The following P4HB variants were observed in gnomAD, a reference collection of about 807,000 sequenced individuals.
P4HB encodes the protein prolyl 4-hydroxylase subunit beta.
In P4HB, 20 loss-of-function variants were observed where a neutral mutation model predicts 52.6. That is an observed-to-expected ratio of 0.38 (90% CI 0.27 to 0.55). The LOEUF (loss-of-function observed/expected upper bound fraction) is 0.55, where lower values mean the gene tolerates loss of function less well. Among genes scored for constraint, P4HB ranks in the 20% least tolerant of loss-of-function variants. P4HB has a pLI of 0.74. For synonymous variants in P4HB, 296 were observed against 277.9 expected (o/e 1.07, Z -0.65); for missense variants, 601 against 669.2 (o/e 0.90, Z 1.12).
intron 4 of P4HB, among the ~76,000 whole-genome samples, chr17:81,852,231 G>C (rs1017423188): frequency 6.6e-6 from 1 of 152,176 alleles, no homozygotes; most frequent in Admixed American, 6.5e-5. Flanking sequence ...AAGAAAAAGT[G>C]AAATATCAGA....
Position 81,844,081 on chromosome 17 carries a change from G to A in P4HB, c.1458C>T (p.Asp486=). ...TGTCTGGCTCCTCTGCTTCTTCCAG[G>A]TCCTCGAGATCCTGGGATACAGGAA... is the stretch of plus-strand genomic sequence containing the variant. ...DGAGDDDDLE[D]LEEAEEPDME... Residue 486 remains aspartate, a synonymous_variant, in exon 11 of 11, where the codon GAC becomes GAT. Coordinates refer to ENST00000331483, the MANE Select transcript of P4HB (RefSeq NM_000918.4). The A allele has an allele frequency of 1.2e-6, 2 of 1,612,658 alleles. No individual in the cohort carries two copies. Among genetic ancestry groups the A allele is most frequent in the Non-Finnish European group, 1.7e-6 (2 of 1,178,734 alleles).
intron 4 of P4HB, among the ~76,000 whole-genome samples, chr17:81,850,293 T>G (rs1286459099): frequency 6.6e-6 from 1 of 151,778 alleles, no homozygotes; most frequent in African/African-American, 2.4e-5. Context: ...CCACCACGCC[T>G]GGCTAATTTT....
intron 2 of P4HB, among the ~76,000 whole-genome samples, chr17:81,858,231 C>T (rs1244221439): frequency 8.2e-6 from 1 of 121,886 alleles, no homozygotes; most frequent in African/African-American, 3.5e-5. Flanking sequence ...GAGATCGCAC[C>T]ACTGCACGAC....
In P4HB at chr17:81,843,620, T is replaced by G; in HGVS notation, c.*392A>C. On this transcript the variant is annotated 3_prime_UTR_variant, in exon 11 of 11. Transcript: ENST00000331483. ...GGAGGCCTGGCCAAGGTGGAACAAA[T>G]ACCCTGATGTCGAAAAATGTCTAAA... is the stretch of plus-strand genomic sequence containing the variant. The G allele has an allele frequency of 2.2e-6, 1 of 461,906 alleles. No individual in the cohort carries two copies. Among genetic ancestry groups the G allele is most frequent in the Non-Finnish European group, 3.8e-6 (1 of 263,216 alleles). The allele number at this position is 461,906 out of a possible 1,614,324, so 28.6% of individuals were successfully genotyped here.
In P4HB at chr17:81,855,534, C is replaced by G. The variant is rs375359477; in HGVS notation, c.405G>C (p.Pro135=). The part of the protein sequence containing the change: ...IVNWLKKRTG[P]AATTLPDGAA... ...CGCCGTCAGGCAGGGTGGTGGCAGC[C>G]GGGCCCGTGCGCTTCTTCAGCCAGT... Residue 135 remains proline, a synonymous_variant, in exon 3 of 11, where the codon CCG becomes CCC. Coordinates refer to ENST00000331483, the MANE Select transcript of P4HB (RefSeq NM_000918.4). This position sits in a 1 kb window ranked among gnomAD's most constrained non-coding sequence, Gnocchi z 4.3. 1 of 1,613,932 alleles carries G rather than the reference C, an allele frequency of 6.2e-7. No individual in the cohort carries two copies. The highest frequency in any genetic ancestry group is 1.3e-5 in the African/African-American group (1 of 75,042).
chr17:81,843,231 T>G lies in P4HB; in HGVS notation c.*781A>C, dbSNP rs912828787. On this transcript the variant is annotated 3_prime_UTR_variant, in exon 11 of 11. Transcript: ENST00000331483. The stretch of plus-strand genomic sequence containing the variant: ...TGTGAAATAGAAATGCCTGAAGAAC[T>G]GTCAGCGTCTGATTCAGCTCCAGCA... The G allele has an allele frequency of 2.2e-5, 8 of 364,388 alleles. No homozygotes were observed. Among genetic ancestry groups the G allele is most frequent in the African/African-American group, 1.7e-4 (8 of 48,020 alleles). The allele number at this position is 364,388 out of a possible 1,614,324, so 22.6% of individuals were successfully genotyped here. A position where few individuals can be genotyped will look rare whatever the true frequency, so the allele number is the denominator to read the frequency against.
intron 1 of P4HB, 26 bp downstream of exon 1, chr17:81,860,300 CG>C: frequency 1.4e-6 from 2 of 1,413,516 alleles, no homozygotes; most frequent in South Asian, 1.5e-5. Flanking sequence ...CCCCGAGCCC[CG>C]CCCGCCCGCC....
At chr17:81,856,274 C>T (rs2038910676) in intron 2 of P4HB, among the ~76,000 whole-genome samples, 1 of 151,858 alleles carries the variant, frequency 6.6e-6, no homozygotes, top group South Asian at 2.1e-4. Flanking sequence ...TCAAGCAATC[C>T]TCCTACCTCA....
intron 4 of P4HB, among the ~76,000 whole-genome samples, chr17:81,854,885 GAA>G (rs371026014): frequency 2.3e-5 from 3 of 131,376 alleles, no homozygotes; most frequent in Non-Finnish European, 3.3e-5. Flanking sequence ...TATCATAATT[GAA>G]AAAAAAAAAA....
At position 81,843,674 on chromosome 17, in the gene P4HB, G is replaced by C; in HGVS notation, c.*338C>G. 2.3e-6 allele frequency: 1 copy of C among 442,100 alleles called. No homozygotes were observed. Among genetic ancestry groups the C allele is most frequent in the Non-Finnish European group, 4.0e-6 (1 of 250,836 alleles). 27.4% of individuals were successfully genotyped at this position (442,100 alleles called of 1,614,324 possible). ...CCCACAGACGGAATTTTCAAAAAGA[G>C]GAGAAACCTCCCGCGGGAGGGAGGC... is the stretch of plus-strand genomic sequence containing the variant. On this transcript the variant is annotated 3_prime_UTR_variant, in exon 11 of 11. Transcript: ENST00000331483.
chr17:81,856,915 T>G (rs1351135657), intron 2 of P4HB, among the ~76,000 whole-genome samples: 1 of 152,180 alleles, frequency 6.6e-6, no homozygotes. Context: ...CCCAAAGTGC[T>G]GGGATTACAT....
At chr17:81,850,384 C>T (rs537759228) in intron 4 of P4HB, among the ~76,000 whole-genome samples, 1 of 152,248 alleles carries the variant, frequency 6.6e-6, no homozygotes, top group East Asian at 1.9e-4. Context: ...GATCGGCCTG[C>T]TTCGGCCTCC....
In P4HB at chr17:81,855,646, G is replaced by T; in HGVS notation, c.353-60C>A. On this transcript the variant is annotated intron_variant, in intron 2 of 10. Coordinates refer to ENST00000331483, the MANE Select transcript of P4HB (RefSeq NM_000918.4). This position sits in a 1 kb window ranked among gnomAD's most constrained non-coding sequence, Gnocchi z 4.3. The stretch of plus-strand genomic sequence containing the variant: ...CAGGGAGTGCCGCCTGCCCTGCCGC[G>T]CCTGCTCCCGTCTCTGCTCTCTGCC... 6.4e-7 allele frequency: 1 copy of T among 1,564,450 alleles called. No individual in the cohort carries two copies. The highest frequency in any genetic ancestry group is 8.7e-7 in the Non-Finnish European group (1 of 1,150,810).
rs1457866660 is a variant in P4HB at position 81,843,963 on chromosome 17, T to C, written c.*49A>G. 1.9e-5 allele frequency: 26 copies of C among 1,333,490 alleles called. No individual in the cohort carries two copies. The highest frequency in any genetic ancestry group is 2.6e-5 in the Non-Finnish European group (24 of 925,444). The allele number at this position is 1,333,490 out of a possible 1,614,324, so 82.6% of individuals were successfully genotyped here. On this transcript the variant is annotated 3_prime_UTR_variant, in exon 11 of 11. Transcript: ENST00000331483. ...TTCGGAGGCGTGCGCTGCTGCTGGG[T>C]GTGCAGCCCCCGAGGGGTCTCGGCA...
Position 81,843,793 on chromosome 17 carries a change from G to A in P4HB, c.*219C>T. 1.7e-6 allele frequency: 1 copy of A among 600,658 alleles called. No homozygotes were observed. The highest frequency in any genetic ancestry group is 3.0e-6 in the Non-Finnish European group (1 of 337,942). 37.2% of individuals were successfully genotyped at this position (600,658 alleles called of 1,614,324 possible). On this transcript the variant is annotated 3_prime_UTR_variant, in exon 11 of 11. Coordinates refer to ENST00000331483, the MANE Select transcript of P4HB (RefSeq NM_000918.4). ...CAGGAAACAAGCCCCACCAGGGTGG[G>A]CTGCCTGGAGATGGATCCCTTTCCA...
chr17:81,855,558 G>C lies in P4HB; in HGVS notation c.381C>G (p.Asn127Lys). ...CCGGGCCCGTGCGCTTCTTCAGCCA[G>C]TTCACGATGTCATCAGCCTCTCTGC... ...TAGREADDIV[N>K]WLKKRTGPAA... The change falls in exon 3 of 11, where the codon AAC becomes AAG. Residue 127 changes from asparagine (N) to lysine (K), a missense_variant. Transcript: ENST00000331483. The surrounding 1 kb of genome is among the most constrained non-coding windows in gnomAD (Gnocchi z 4.3). 6.2e-7 allele frequency: 1 copy of C among 1,613,952 alleles called. No homozygotes were observed. The highest frequency in any genetic ancestry group is 8.5e-7 in the Non-Finnish European group (1 of 1,179,992).
At chr17:81,854,111 G>A (rs1048918096) in intron 4 of P4HB, among the ~76,000 whole-genome samples, 16 of 152,232 alleles carry the variant, frequency 1.1e-4, no homozygotes, top group African/African-American at 3.6e-4. Context: ...TTGGGGCTGA[G>A]GGGCATACGA....
At chr17:81,849,713 G>A (rs1217068242) in intron 4 of P4HB, among the ~76,000 whole-genome samples, 1 of 152,154 alleles carries the variant, frequency 6.6e-6, no homozygotes, top group Non-Finnish European at 1.5e-5. Flanking sequence ...CTGAGGATGC[G>A]GCCTCGGCTC....
In P4HB at chr17:81,855,450, T is replaced by C; in HGVS notation, c.486+3A>G. ...AGGAAGACTGGAATGCTCTGGTCTC[T>C]ACCTTGAAGAAGCCGATGACAGCCA... On this transcript the variant is annotated splice_donor_region_variant and intron_variant, in intron 3 of 10. Coordinates refer to ENST00000331483, the MANE Select transcript of P4HB (RefSeq NM_000918.4). This position sits in a 1 kb window ranked among gnomAD's most constrained non-coding sequence, Gnocchi z 4.3. The C allele has an allele frequency of 1.2e-6, 2 of 1,610,698 alleles. No homozygotes were observed. Among genetic ancestry groups the C allele is most frequent in the South Asian group, 1.1e-5 (1 of 90,764 alleles).
Sources: allele counts gnomAD v4.1 joint callset (sites outside exome capture counted in the v4.1 genomes callset), GRCh38; gene constraint gnomAD v4.1.1; non-coding constraint Gnocchi (gnomAD v3.1); transcripts MANE v1.5; gene names NCBI Gene and HGNC (gene_info 2026-07-23, HGNC 2026-07-21).